RRH: variants seen among roughly 807,000 people sequenced by gnomAD.
The protein encoded by RRH is retinal pigment epithelium-derived rhodopsin homolog.
Under a neutral mutation model 33.1 loss-of-function variants are expected in RRH, and 36 were observed. That is an observed-to-expected ratio of 1.09 (90% CI 0.83 to 1.44). RRH has a LOEUF of 1.44. RRH is among the 40% of genes most tolerant of loss of function. The pLI is 0.00. For synonymous variants in RRH, 124 were observed against 140.2 expected (o/e 0.88, Z 0.82); for missense variants, 393 against 420.2 (o/e 0.94, Z 0.57).
At chr4:109,842,409 G>A in intron 5 of RRH, 60 bp from the exon 6 acceptor site, 4 of 1,434,306 alleles carry the variant, frequency 2.8e-6, no homozygotes, top group Non-Finnish European at 2.9e-6. Context: ...CCCAACTTTA[G>A]ATATATTAAT....
chr4:109,840,984 T>A (rs1419276259), intron 5 of RRH, among the ~76,000 whole-genome samples: 1 of 152,116 alleles, frequency 6.6e-6, no homozygotes, highest in South Asian at 2.1e-4. Flanking sequence ...ATCAAAAAAA[T>A]TTTTTTTCTA....
rs185301470 is a variant in RRH at position 109,842,284 on chromosome 4, C to T, written c.721-185C>T. Among the ~76,000 whole-genome samples the T allele has an allele frequency of 4.1e-4, 63 of 152,038 alleles. No individual in the cohort carries two copies. The East Asian group carries it at 6.8e-3, about 16-fold the overall frequency. ...CCATTTCACAAGGTCTTATTATCAT[C>T]GAGGACTTCAGGCACTTGAAAAAAG... On this transcript the variant is annotated intron_variant, in intron 5 of 6. Coordinates refer to ENST00000317735, the MANE Select transcript of RRH (RefSeq NM_006583.5).
intron 2 of RRH, among the ~76,000 whole-genome samples, chr4:109,834,404 A>T (rs1437073781): frequency 9.7e-5 from 14 of 144,968 alleles, no homozygotes; most frequent in Admixed American, 7.2e-5. Flanking sequence ...ATCTCCGCTC[A>T]CTGCAAGCTC....
intron 5 of RRH, among the ~76,000 whole-genome samples, chr4:109,841,337 A>G (rs1317024322): frequency 3.9e-5 from 6 of 152,142 alleles, no homozygotes; most frequent in Non-Finnish European, 7.3e-5. Flanking sequence ...GGAGCAGCAT[A>G]CAGGTACCCC....
At chr4:109,833,518 T>A (rs995100198) in intron 2 of RRH, among the ~76,000 whole-genome samples, 189 bp downstream of exon 2, 4 of 152,222 alleles carry the variant, frequency 2.6e-5, no homozygotes, top group African/African-American at 9.6e-5. Flanking sequence ...CAACCATTGT[T>A]ATATTTTCAA....
At chr4:109,835,917 C>A in intron 3 of RRH, 90 bp from the exon 4 acceptor site, 1 of 1,503,312 alleles carries the variant, frequency 6.7e-7, no homozygotes, top group Non-Finnish European at 9.3e-7. Context: ...TGTAAAGAAT[C>A]TACTTGATAA....
At position 109,833,167 on chromosome 4, in the gene RRH, A is replaced by C. The variant is rs139541512; in HGVS notation, c.135A>C (p.Ile45=). ...TGATAAGTATTATCAGCAACATAATAGTTCTGGGCATCTTCATTAAGTACA... is the reference window on the plus strand; with the variant it reads ...TGATAAGTATTATCAGCAACATAATCGTTCTGGGCATCTTCATTAAGTACA... The part of the protein sequence containing the change: ...AGMISIISNI[I]VLGIFIKYKE... The change falls in exon 2 of 7, where the codon ATA becomes ATC. Residue 45 remains isoleucine (I), a synonymous_variant. Transcript: ENST00000317735. 3.6e-5 allele frequency: 58 copies of C among 1,613,620 alleles called. No homozygotes were observed. The African/African-American group carries it at 7.1e-4, about 20-fold the overall frequency.
intron 4 of RRH, among the ~76,000 whole-genome samples, chr4:109,836,520 G>A (rs1354779540): frequency 2.0e-5 from 3 of 152,196 alleles, no homozygotes; most frequent in African/African-American, 7.2e-5. Flanking sequence ...GTGCAGTTCT[G>A]GCAAAAGCCC....
chr4:109,840,768 T>A (rs1733970188), intron 5 of RRH, among the ~76,000 whole-genome samples: 1 of 151,694 alleles, frequency 6.6e-6, no homozygotes, highest in Non-Finnish European at 1.5e-5. Flanking sequence ...TGCCTGTCAA[T>A]GTAAAAGTTT....
rs188194817 is a variant in RRH, at chr4:109,843,359, C to T, written c.899+712C>T. On this transcript the variant is annotated intron_variant, in intron 6 of 6. Transcript: ENST00000317735. ...CCGAGTAGCTGGGATTACAGGTGCC[C>T]GCCACCACACCCGGCTAATTTTTGT... 8.5e-5 allele frequency among the ~76,000 whole-genome samples: 13 copies of T among 152,098 alleles called. 1 individual carries two copies. The East Asian group carries it at 1.7e-3, about 20-fold the overall frequency.
intron 6 of RRH, among the ~76,000 whole-genome samples, chr4:109,842,976 C>A (rs980949166): frequency 6.6e-6 from 1 of 152,118 alleles, no homozygotes; most frequent in Non-Finnish European, 1.5e-5. Context: ...AAATGGTTAC[C>A]CCCACCCCAA....
At chr4:109,839,171 TGAG>T (rs1733941256) in intron 5 of RRH, among the ~76,000 whole-genome samples, 1 of 151,324 alleles carries the variant, frequency 6.6e-6, no homozygotes, top group South Asian at 2.1e-4. Context: ...AGGATAAGGG[TGAG>T]GATAGTGAAG....
intron 1 of RRH, among the ~76,000 whole-genome samples, chr4:109,830,500 T>C (rs759797569): frequency 7.0e-4 from 107 of 152,048 alleles, no homozygotes; most frequent in Non-Finnish European, 1.2e-3. Context: ...GTTGGGATTG[T>C]GGGAGAAGGA....
intron 1 of RRH, among the ~76,000 whole-genome samples, chr4:109,831,145 C>T (rs980159294): frequency 1.5e-4 from 23 of 152,112 alleles, no homozygotes; most frequent in Non-Finnish European, 2.6e-4. Context: ...ATTCTGGTTG[C>T]GTACTTGGTA....
chr4:109,828,114 A>C lies in RRH; in HGVS notation c.87A>C (p.Ala29=), dbSNP rs1733673547. 6.2e-7 allele frequency: 1 copy of C among 1,610,338 alleles called. No homozygotes were observed. The highest frequency in any genetic ancestry group is 2.2e-5 in the East Asian group (1 of 44,782). The part of the protein sequence containing the change: ...VFSQTEHNIV[A]TYLIMAGMIS... ...CACAGACTGAACACAATATTGTTGC[A>C]ACTTACTTGATTATGGCAGGTATGG... is the stretch of plus-strand genomic sequence containing the variant. The change falls in exon 1 of 7, where the codon GCA becomes GCC. Residue 29 remains alanine (A), a synonymous_variant. Transcript: ENST00000317735.
At chr4:109,841,633 T>C (rs1056879248) in intron 5 of RRH, among the ~76,000 whole-genome samples, 1 of 152,178 alleles carries the variant, frequency 6.6e-6, no homozygotes, top group Non-Finnish European at 1.5e-5. Context: ...TATGGATTGG[T>C]CTGTATCTGG....
chr4:109,842,410 A>G, intron 5 of RRH, 59 bp from the exon 6 acceptor site: 1 of 1,444,888 alleles, frequency 6.9e-7, no homozygotes, highest in African/African-American at 1.4e-5. Context: ...CCAACTTTAG[A>G]TATATTAATA....
chr4:109,841,921 G>A (rs1733992975), intron 5 of RRH, among the ~76,000 whole-genome samples: 1 of 152,280 alleles, frequency 6.6e-6, no homozygotes. Flanking sequence ...TCTGCATTGT[G>A]TGTAACATAT....
chr4:109,844,136 C>A lies in RRH; in HGVS notation c.953C>A (p.Pro318His). Reference protein sequence around the residue: ...MFKCQTHQTMPVTSILPMDVS... With the variant: ...MFKCQTHQTMHVTSILPMDVS... The stretch of plus-strand genomic sequence containing the variant: ...AAATGTCAGACTCACCAAACAATGC[C>A]TGTGACAAGTATTTTACCCATGGAT... Residue 318 changes from proline (P) to histidine (H), a missense_variant, in exon 7 of 7, where the codon CCT becomes CAT. Coordinates refer to ENST00000317735, the MANE Select transcript of RRH (RefSeq NM_006583.5). 1 of 1,613,934 alleles carries A rather than the reference C, an allele frequency of 6.2e-7. No individual in the cohort carries two copies. The highest frequency in any genetic ancestry group is 2.2e-5 in the East Asian group (1 of 44,872).
Sources: allele counts gnomAD v4.1 joint callset (sites outside exome capture counted in the v4.1 genomes callset), GRCh38; gene constraint gnomAD v4.1.1; transcripts MANE v1.5; gene names NCBI Gene and HGNC (gene_info 2026-07-23, HGNC 2026-07-21).